ACHE: variants seen among roughly 807,000 people sequenced by gnomAD.
ACHE encodes acetylcholinesterase (Yt blood group).
Under a neutral mutation model 53.9 loss-of-function variants are expected in ACHE, and 19 were observed. The ratio of observed to expected loss-of-function variants is 0.35; its 90% CI spans 0.25 to 0.52. The LOEUF is 0.52. ACHE is among the 20% of genes least tolerant of loss of function. The pLI, the probability that ACHE is intolerant of heterozygous loss-of-function variation, is 0.95. For missense variants in ACHE, 605 were observed against 849.4 expected (o/e 0.71, Z 3.58); for synonymous variants, 392 against 378.1 (o/e 1.04, Z -0.43).
intron 1 of ACHE, among the ~76,000 whole-genome samples, chr7:100,894,980 G>A (rs1340434973): frequency 1.3e-5 from 2 of 152,116 alleles, no homozygotes; most frequent in African/African-American, 4.8e-5. Flanking sequence ...AGTAGAGACC[G>A]AGAAAAGGTC....
rs371120982 is a variant in ACHE, at chr7:100,892,590, C to T, written c.1297G>A (p.Val433Met). Reference sequence around the variant, plus strand: ...GGGCACACGACATTGTGGTCGCCCACCACATCGCTCAGGGCCTCCCTCAGG... The same window carrying T: ...GGGCACACGACATTGTGGTCGCCCATCACATCGCTCAGGGCCTCCCTCAGG... The part of the protein sequence containing the change: ...ARLREALSDV[V>M]GDHNVVCPVA... The change falls in exon 3 of 5, where the codon GTG becomes ATG. Residue 433 changes from valine (V) to methionine (M), a missense_variant. By Grantham distance (21) the Val-to-Met change is conservative (BLOSUM62 1). Transcript: ENST00000241069. This position sits in a 1 kb window ranked among gnomAD's most constrained non-coding sequence, Gnocchi z 5.2. The T allele has an allele frequency of 1.2e-6, 2 of 1,613,456 alleles. No homozygotes were observed. The highest frequency in any genetic ancestry group is 1.7e-6 in the Non-Finnish European group (2 of 1,179,902).
At chr7:100,894,452 G>C in intron 1 of ACHE, 200 bp from the exon 2 acceptor site, 2 of 447,526 alleles carry the variant, frequency 4.5e-6, no homozygotes, top group Non-Finnish European at 3.9e-6. Context: ...AGGGGAAAGA[G>C]ATCAGGCAGA....
At position 100,892,523 on chromosome 7, in the gene ACHE, C is replaced by T. The variant is rs201546756; in HGVS notation, c.1364G>A (p.Arg455Gln). 78 of 1,608,376 alleles carry T rather than the reference C, an allele frequency of 4.8e-5. No individual in the cohort carries two copies. The highest frequency in any genetic ancestry group is 1.1e-4 in the South Asian group (10 of 90,816). ...GTGTTCAAAGACGTAGGCGTAGACC[C>T]GGGCACCCTGGGCAGCCAGTCGCCC... ...LAGRLAAQGA[R>Q]VYAYVFEHRA... The change falls in exon 3 of 5, where the codon CGG becomes CAG. Residue 455 changes from arginine (R) to glutamine (Q), a missense_variant. Around this residue, in one of 4 missense-constraint regions of ACHE, gnomAD observed 397 missense variants for 632.5 expected, o/e 0.63. Coordinates refer to ENST00000241069, the MANE Select transcript of ACHE (RefSeq NM_000665.5). The surrounding 1 kb of genome is among the most constrained non-coding windows in gnomAD (Gnocchi z 5.2).
chr7:100,896,644 G>A (rs1791049659), upstream of ACHE: 1 of 290,726 alleles, frequency 3.4e-6, no homozygotes, highest in Non-Finnish European at 7.2e-6. Context: ...AACCCCCGCG[G>A]GTGGGTCTGT....
At chr7:100,891,783 CTTTTTT>C (rs71902456) in intron 3 of ACHE, among the ~76,000 whole-genome samples, 29 of 103,470 alleles carry the variant, frequency 2.8e-4, no homozygotes, top group Admixed American at 8.1e-4. Flanking sequence ...CTTGGTCTCC[CTTTTTT>C]TTTTTTTTTT....
In ACHE at chr7:100,893,248, A is replaced by T. The variant is rs978871090; in HGVS notation, c.985T>A (p.Ser329Thr). Residue 329 changes from serine (S) to threonine (T), a missense_variant, in exon 2 of 5, where the codon TCC becomes ACC. Physicochemically the swap from Ser to Thr is moderately conservative, Grantham distance 58. Around this residue, in one of 4 missense-constraint regions of ACHE, gnomAD observed 397 missense variants for 632.5 expected, o/e 0.63. Transcript: ENST00000241069. Reference protein sequence around the residue: ...VLPQESVFRFSFVPVVDGDFL... With the variant: ...VLPQESVFRFTFVPVVDGDFL... ...TCTCCATCTACCACAGGCACGAAGG[A>T]GAACCGGAAGACGCTTTCTTGAGGC... 6.2e-7 allele frequency: 1 copy of T among 1,614,104 alleles called. No homozygotes were observed. Among genetic ancestry groups the T allele is most frequent in the Middle Eastern group, 1.6e-4 (1 of 6,062 alleles).
rs753515678 is a variant in ACHE at position 100,893,823 on chromosome 7, G to A, written c.410C>T (p.Pro137Leu). 6.2e-7 allele frequency: 1 copy of A among 1,613,310 alleles called. No individual in the cohort carries two copies. Among genetic ancestry groups the A allele is most frequent in the Non-Finnish European group, 8.5e-7 (1 of 1,179,724 alleles). The change falls in exon 2 of 5, where the codon CCC (proline) becomes CTC (leucine). Residue 137 changes from proline (P) to leucine (L), a missense_variant. By Grantham distance (98) the Pro-to-Leu change is moderately conservative. Transcript: ENST00000241069. ...CLYLNVWTPYPRPTSPTPVLV... is the reference protein window; with the variant it reads ...CLYLNVWTPYLRPTSPTPVLV... ...GACAGGGGTGGGGGATGTAGGCCGG[G>A]GGTATGGTGTCCACACGTTGAGGTA...
Position 100,892,860 on chromosome 7 carries a change from C to G in ACHE, c.1069-42G>C, listed in dbSNP as rs1425129044. On this transcript the variant is annotated intron_variant, in intron 2 of 4. Coordinates refer to ENST00000241069, the MANE Select transcript of ACHE (RefSeq NM_000665.5). The surrounding 1 kb of genome is among the most constrained non-coding windows in gnomAD (Gnocchi z 5.2). ...GGGGGGTGGGATGGAGCGACAGGCA[C>G]AGACAGACAAGTAGACAGAAACAGA... The G allele has an allele frequency of 5.3e-6, 8 of 1,512,482 alleles. No individual in the cohort carries two copies. 93.7% of individuals were successfully genotyped at this position (1,512,482 alleles called of 1,614,324 possible).
rs779397089 is a variant in ACHE, at chr7:100,893,461, G to T, written c.772C>A (p.Leu258Met). The stretch of plus-strand genomic sequence containing the variant: ...GGTCCATTGGGGGCACCGCTCTGCA[G>T]CACGGCCCTGTGGAACAGGCCCCGG... ...PSRGLFHRAV[L>M]QSGAPNGPWA... is the part of the protein sequence containing the mutation. The change falls in exon 2 of 5, where the codon CTG becomes ATG. Residue 258 changes from leucine to methionine, a missense_variant. This residue lies in a region of ACHE where 397 missense variants were observed against 632.5 expected (regional missense o/e 0.63). Transcript: ENST00000241069. 3 of 1,607,632 alleles carry T rather than the reference G, an allele frequency of 1.9e-6. No homozygotes were observed. The highest frequency in any genetic ancestry group is 2.5e-6 in the Non-Finnish European group (3 of 1,179,592).
chr7:100,895,063 C>A (rs1013401981), intron 1 of ACHE, among the ~76,000 whole-genome samples: 4 of 152,010 alleles, frequency 2.6e-5, no homozygotes, highest in Non-Finnish European at 5.9e-5. Flanking sequence ...CTTGCAGAGC[C>A]GCCTGAAGGG....
At position 100,893,553 on chromosome 7, in the gene ACHE, G is replaced by T; in HGVS notation, c.680C>A (p.Ser227Ter). The change falls in exon 2 of 5, where the codon TCA becomes TAA. Residue 227 changes from serine to a stop codon, truncating the protein, a stop_gained. Transcript: ENST00000241069. LOFTEE classifies it high-confidence loss of function. ...NVAAFGGDPTSVTLFGESAGA... is the reference protein window; with the variant it reads ...NVAAFGGDPT ...CGCGCTCTCCCCAAACAGCGTCACT[G>T]ATGTCGGGTCACCCCCGAAGGCTGC... The T allele has an allele frequency of 6.2e-7, 1 of 1,611,688 alleles. No individual in the cohort carries two copies.
Position 100,890,039 on chromosome 7 carries a change from G to C in ACHE, c.*175C>G. ...CAGCCCAGAGGGGCGAAGGCACCGC[G>C]GGGGAGGGAGCTCAGCCTGAGACAT... On this transcript the variant is annotated 3_prime_UTR_variant, in exon 5 of 5. Coordinates refer to ENST00000241069, the MANE Select transcript of ACHE (RefSeq NM_000665.5). The C allele has an allele frequency of 1.4e-6, 1 of 712,700 alleles. No individual in the cohort carries two copies. The highest frequency in any genetic ancestry group is 2.2e-6 in the Non-Finnish European group (1 of 450,424). The allele number at this position is 712,700 out of a possible 1,614,324, so 44.1% of individuals were successfully genotyped here.
rs757512342 is a variant in ACHE, at chr7:100,890,158, T to C, written c.*56A>G. ...TGTTATAGCCCAGCCCTGAAATAAA[T>C]AGTATATACAGCTAGGGGGCCGGGC... On this transcript the variant is annotated 3_prime_UTR_variant, in exon 5 of 5. Transcript: ENST00000241069. 1.9e-6 allele frequency: 3 copies of C among 1,594,468 alleles called. No homozygotes were observed. The highest frequency in any genetic ancestry group is 1.7e-4 in the Middle Eastern group (1 of 5,856).
At position 100,894,009 on chromosome 7, in the gene ACHE, G is replaced by A. The variant is rs1406915102; in HGVS notation, c.224C>T (p.Pro75Leu). The A allele has an allele frequency of 6.2e-7, 1 of 1,611,202 alleles. No homozygotes were observed. The highest frequency in any genetic ancestry group is 1.7e-5 in the Admixed American group (1 of 59,432). ...GIPFAEPPMG[P>L]RRFLPPEPKQ... Reference sequence around the variant, plus strand: ...GGGCTCCGGTGGCAGAAAGCGACGGGGTCCCATGGGTGGCTCCGCAAAGGG... The same window carrying A: ...GGGCTCCGGTGGCAGAAAGCGACGGAGTCCCATGGGTGGCTCCGCAAAGGG... The change falls in exon 2 of 5, where the codon CCC (proline) becomes CTC (leucine). Residue 75 changes from proline to leucine, a missense_variant. Coordinates refer to ENST00000241069, the MANE Select transcript of ACHE (RefSeq NM_000665.5).
rs747407216 is a variant in ACHE, at chr7:100,892,744, G to T, written c.1143C>A (p.Asn381Lys). 1 of 1,612,514 alleles carries T rather than the reference G, an allele frequency of 6.2e-7. No homozygotes were observed. The change falls in exon 3 of 5, where the codon AAC becomes AAA. Residue 381 changes from asparagine to lysine, a missense_variant. This residue lies in a region of ACHE where 397 missense variants were observed against 632.5 expected (regional missense o/e 0.63). Transcript: ENST00000241069. The surrounding 1 kb of genome is among the most constrained non-coding windows in gnomAD (Gnocchi z 5.2). ...VYGAPGFSKDNESLISRAEFL... is the reference protein window; with the variant it reads ...VYGAPGFSKDKESLISRAEFL... ...ACTCGGCCCGGCTGATGAGAGACTC[G>T]TTGTCTTTGCTGAAGCCTGGGGCCC...
In ACHE at chr7:100,895,024, T is replaced by G. The variant is rs984774453; in HGVS notation, c.-20-772A>C. On this transcript the variant is annotated intron_variant, in intron 1 of 4. Coordinates refer to ENST00000241069, the MANE Select transcript of ACHE (RefSeq NM_000665.5). ...CCGCCCCGAGCCAGGAGCCGGGAAC[T>G]TGGGGAGGGGGCCTGGGGGCTCGAG... Among the ~76,000 whole-genome samples the G allele has an allele frequency of 5.9e-5, 9 of 151,856 alleles. No individual in the cohort carries two copies. In the South Asian group the frequency reaches 1.9e-3, roughly 32 times the overall value.
chr7:100,895,415 C>T (rs1255271453), intron 1 of ACHE, among the ~76,000 whole-genome samples: 1 of 426 alleles, frequency 2.3e-3, no homozygotes, highest in Non-Finnish European at 4.3e-3. Context: ...GGGCGCTGCG[C>T]AGGGGCGCTG....
intron 4 of ACHE, 90 bp from the exon 5 acceptor site, chr7:100,890,425 T>C (rs1398057276): frequency 2.9e-5 from 44 of 1,525,614 alleles, no homozygotes; most frequent in Non-Finnish European, 3.6e-5. Context: ...AGGGGGGGTA[T>C]GAGTGCAGGG....
intron 1 of ACHE, among the ~76,000 whole-genome samples, chr7:100,895,313 C>T (rs776990679): frequency 2.0e-5 from 3 of 152,142 alleles, no homozygotes; most frequent in Admixed American, 6.5e-5. Context: ...CTAATTATAA[C>T]TCGGGGCTTC....
Sources: allele counts gnomAD v4.1 joint callset (sites outside exome capture counted in the v4.1 genomes callset), GRCh38; gene constraint gnomAD v4.1.1; regional missense constraint gnomAD v4.1.1; non-coding constraint Gnocchi (gnomAD v3.1); transcripts MANE v1.5; gene names NCBI Gene and HGNC (gene_info 2026-07-23, HGNC 2026-07-21).